Variants in WNK1 observed in about 807,000 individuals in gnomAD.
WNK1 encodes serine/threonine-protein kinase WNK1.
In WNK1, 38 loss-of-function variants were observed where a neutral mutation model predicts 222.8. The observed-to-expected ratio is 0.17, with a 90% CI of 0.13 to 0.22. The LOEUF (loss-of-function observed/expected upper bound fraction) is 0.22. Ranked by LOEUF, WNK1 falls within the 10% of genes least tolerant of loss-of-function variation. WNK1 has a pLI of 1.00. For missense variants in WNK1, 2,348 were observed against 2,918.4 expected, an observed-to-expected ratio of 0.80 and a Z score of 4.50; for synonymous variants, 1,090 against 1,092.9, an observed-to-expected ratio of 1.00 and a Z score of 0.05.
chr12:823,742 G>A (rs1035444757), intron 2 of WNK1, among the ~76,000 whole-genome samples: 1 of 152,084 alleles, frequency 6.6e-6, no homozygotes, highest in Admixed American at 6.5e-5. Context: ...TTAACCATGA[G>A]TTGATTGTTT....
chr12:832,835 GC>G (rs1948899548), intron 4 of WNK1, among the ~76,000 whole-genome samples: 1 of 152,168 alleles, frequency 6.6e-6, no homozygotes, highest in Admixed American at 6.5e-5. Context: ...CTGAATGGGG[GC>G]AGGAGAAATT....
intron 26 of WNK1, among the ~76,000 whole-genome samples, chr12:902,132 C>T (rs539486426): frequency 6.8e-6 from 1 of 147,030 alleles, no homozygotes; most frequent in South Asian, 2.2e-4. Flanking sequence ...TACCCCATCT[C>T]TAAAAAAAAA....
intron 24 of WNK1, among the ~76,000 whole-genome samples, chr12:897,243 T>C (rs943498153): frequency 2.0e-5 from 3 of 152,144 alleles, no homozygotes; most frequent in African/African-American, 7.2e-5. Context: ...GAAATGTTTT[T>C]CTCCTAAAAC....
At chr12:878,512 C>A in intron 10 of WNK1, 151 bp downstream of exon 10, 2 of 867,082 alleles carry the variant, frequency 2.3e-6, no homozygotes, top group Non-Finnish European at 3.6e-6. Flanking sequence ...AATCTCATTG[C>A]AGAAATGAAG....
chr12:818,681 G>A (rs976897851), intron 2 of WNK1, among the ~76,000 whole-genome samples: 1 of 152,046 alleles, frequency 6.6e-6, no homozygotes, highest in African/African-American at 2.4e-5. Flanking sequence ...CATCTCTATG[G>A]ATTTATCTAA....
At chr12:860,876 A>G in intron 6 of WNK1, 137 bp from the exon 7 acceptor site, 2 of 831,768 alleles carry the variant, frequency 2.4e-6, no homozygotes, top group Non-Finnish European at 3.9e-6. Flanking sequence ...GGTTAAGGCC[A>G]GTCCTGAGAG....
At chr12:906,095 C>G (rs1392251109) in intron 26 of WNK1, among the ~76,000 whole-genome samples, 1 of 152,162 alleles carries the variant, frequency 6.6e-6, no homozygotes, top group Non-Finnish European at 1.5e-5. Context: ...CTGCTGTGAT[C>G]TGGTGCTGCT....
Position 753,306 on chromosome 12 carries a change from G to T in WNK1, c.-260G>T, listed in dbSNP as rs886049864. On this transcript the variant is annotated 5_prime_UTR_variant, in exon 1 of 28. Coordinates refer to ENST00000315939, the MANE Select transcript of WNK1 (RefSeq NM_018979.4). This position sits in a 1 kb window ranked among gnomAD's most constrained non-coding sequence, Gnocchi z 5.2. ...TGCGGACCGTGCGGCGCTAACCCCC[G>T]TGGCTCAGCTCCCGAATCGCCCGCC... 8 of 542,240 alleles carry T rather than the reference G, an allele frequency of 1.5e-5. 1 individual carries two copies. In the South Asian group the frequency reaches 1.7e-4, roughly 12 times the overall value. 33.6% of individuals were successfully genotyped at this position (542,240 alleles called of 1,614,324 possible). A position where few individuals can be genotyped will look rare whatever the true frequency, so the allele number is the denominator to read the frequency against.
rs1033977831 is a variant in WNK1 at position 764,709 on chromosome 12, A to T, written c.759+10385A>T. 2.3e-4 allele frequency among the ~76,000 whole-genome samples: 33 copies of T among 143,158 alleles called. 1 individual carries two copies. Among genetic ancestry groups the T allele is most frequent in the African/African-American group, 3.1e-4 (12 of 39,144 alleles). 93.9% of individuals were successfully genotyped at this position (143,158 alleles called of 152,430 possible). On this transcript the variant is annotated intron_variant, in intron 1 of 27. Coordinates refer to ENST00000315939, the MANE Select transcript of WNK1 (RefSeq NM_018979.4). ...GAAACAGCCCTGACAAAAAGAAATT[A>T]AAAAAAAAGTCAGTAACAATTAAAT... is the stretch of plus-strand genomic sequence containing the variant.
At chr12:757,780 G>T (rs539583234) in intron 1 of WNK1, among the ~76,000 whole-genome samples, 1 of 147,444 alleles carries the variant, frequency 6.8e-6, no homozygotes, top group African/African-American at 2.4e-5. Context: ...GCTCACGCCT[G>T]TAATCCCAGC....
intron 1 of WNK1, among the ~76,000 whole-genome samples, chr12:756,175 T>C (rs889927195): frequency 6.6e-6 from 1 of 152,246 alleles, no homozygotes; most frequent in Admixed American, 6.5e-5. Context: ...CCGGTTACCT[T>C]ACTTTTTTAA....
At chr12:756,255 G>T (rs1940010986) in intron 1 of WNK1, among the ~76,000 whole-genome samples, 1 of 152,022 alleles carries the variant, frequency 6.6e-6, no homozygotes, top group Non-Finnish European at 1.5e-5. Flanking sequence ...TCACTTCTGA[G>T]ACTTCTTAGC....
Position 894,646 on chromosome 12 carries a change from C to T in WNK1, c.5583+11C>T. On this transcript the variant is annotated intron_variant, in intron 23 of 27. Coordinates refer to ENST00000315939, the MANE Select transcript of WNK1 (RefSeq NM_018979.4). ...ATGGGACGATTTCAGGTAAGACAGT[C>T]ACTTTGTGTTGCCTTGATTCCTTCC... is the stretch of plus-strand genomic sequence containing the variant. The T allele has an allele frequency of 1.9e-6, 3 of 1,612,756 alleles. No homozygotes were observed. The highest frequency in any genetic ancestry group is 2.5e-6 in the Non-Finnish European group (3 of 1,178,824).
chr12:876,177 A>C (rs984915412), intron 9 of WNK1, among the ~76,000 whole-genome samples: 7 of 152,168 alleles, frequency 4.6e-5, no homozygotes, highest in African/African-American at 1.7e-4. Flanking sequence ...TGGGAGGCCG[A>C]GGTGCACGGA....
At chr12:767,357 A>G (rs760915853) in intron 1 of WNK1, among the ~76,000 whole-genome samples, 3 of 145,498 alleles carry the variant, frequency 2.1e-5, no homozygotes, top group South Asian at 2.2e-4. Context: ...GATTCAAGCA[A>G]TTCTCCTGCC....
chr12:908,857 G>GGGGA lies in WNK1; in HGVS notation c.*65_*66insGGGA. 8.4e-7 allele frequency: 1 copy of GGGGA among 1,185,790 alleles called. No individual in the cohort carries two copies. Among genetic ancestry groups the GGGGA allele is most frequent in the Non-Finnish European group, 1.2e-6 (1 of 812,930 alleles). The allele number at this position is 1,185,790 out of a possible 1,614,324, so 73.5% of individuals were successfully genotyped here. A position where few individuals can be genotyped will look rare whatever the true frequency, so the allele number is the denominator to read the frequency against. On this transcript the variant is annotated 3_prime_UTR_variant, in exon 28 of 28. Transcript: ENST00000315939. The stretch of plus-strand genomic sequence containing the variant: ...TGGAATGCTGAGGGGGTGGGTGGGG[G>GGGGA]TGGGAAGTAGCCTATATACTAACTA...
intron 4 of WNK1, among the ~76,000 whole-genome samples, chr12:855,923 T>C (rs1034676465): frequency 4.6e-5 from 7 of 151,966 alleles, no homozygotes; most frequent in African/African-American, 1.4e-4. Context: ...CACTGCAACC[T>C]CTGCCTCCCG....
chr12:860,118 A>G (rs1179845400), intron 6 of WNK1, among the ~76,000 whole-genome samples: 1 of 152,226 alleles, frequency 6.6e-6, no homozygotes, highest in Non-Finnish European at 1.5e-5. Flanking sequence ...GTCATTTTGA[A>G]AAGTCTGTAA....
chr12:901,017 A>T, intron 26 of WNK1: 1 of 364,938 alleles, frequency 2.7e-6, no homozygotes, highest in Non-Finnish European at 5.3e-6. Context: ...AAGCTAATAC[A>T]TTTTCTTAGC....
Sources: allele counts gnomAD v4.1 joint callset (sites outside exome capture counted in the v4.1 genomes callset), GRCh38; gene constraint gnomAD v4.1.1; non-coding constraint Gnocchi (gnomAD v3.1); transcripts MANE v1.5; gene names NCBI Gene and HGNC (gene_info 2026-07-23, HGNC 2026-07-21).